The following DNAH10 variants were observed in gnomAD, a reference collection of about 807,000 sequenced individuals.
DNAH10 encodes dynein axonemal heavy chain 10.
A neutral mutation model predicts 506.6 loss-of-function variants in DNAH10; 348 were observed. The ratio of observed to expected loss-of-function variants is 0.69; its 90% CI spans 0.63 to 0.75. The LOEUF is 0.75. Among genes scored for constraint, DNAH10 ranks in the 30% least tolerant of loss-of-function variants. The pLI is 0.00. For missense variants in DNAH10, 5,179 were observed against 5,787.1 expected, an observed-to-expected ratio of 0.89 and a Z score of 3.41; for synonymous variants, 2,059 against 2,198.6, an observed-to-expected ratio of 0.94 and a Z score of 1.78.
At chr12:123,868,424 A>G (rs1951897274) in intron 43 of DNAH10, among the ~76,000 whole-genome samples, 1 of 151,918 alleles carries the variant, frequency 6.6e-6, no homozygotes, top group African/African-American at 2.4e-5. Flanking sequence ...CATGACTTTG[A>G]GTTTCTTCTT....
At position 123,830,652 on chromosome 12, in the gene DNAH10, C is replaced by T; in HGVS notation, c.4498C>T (p.Leu1500Phe). The T allele has an allele frequency of 6.2e-7, 1 of 1,613,548 alleles. No homozygotes were observed. Residue 1500 changes from leucine (L) to phenylalanine (F), a missense_variant, in exon 26 of 79, where the codon CTC becomes TTC. This residue lies in a region of DNAH10 where 4,844 missense variants were observed against 5,430.5 expected (regional missense o/e 0.89). Coordinates refer to ENST00000673944, the MANE Select transcript of DNAH10 (RefSeq NM_001372106.1). ...AMELHKHTDV[L>F]NEIVTAAIKE... ...GGAACTGCACAAACACACAGATGTT[C>T]TCAATGAGATTGTCACAGCAGCAAT...
intron 56 of DNAH10, among the ~76,000 whole-genome samples, chr12:123,901,249 G>A (rs1382919759): frequency 6.6e-6 from 1 of 152,206 alleles, no homozygotes; most frequent in Non-Finnish European, 1.5e-5. Flanking sequence ...GTGGTGTCCT[G>A]TTACCTCTGC....
intron 5 of DNAH10, 128 bp downstream of exon 5, chr12:123,774,392 A>G (rs1032490027): frequency 2.5e-5 from 16 of 651,888 alleles, no homozygotes; most frequent in Non-Finnish European, 3.5e-5. Flanking sequence ...AGGTGCTGAG[A>G]CCAGCTCGGT....
In DNAH10 at chr12:123,815,799, C is replaced by T. The variant is rs557470584; in HGVS notation, c.3780+1887C>T. 3.9e-5 allele frequency among the ~76,000 whole-genome samples: 6 copies of T among 152,356 alleles called. No individual in the cohort carries two copies. In the South Asian group the frequency reaches 8.3e-4, roughly 21 times the overall value. On this transcript the variant is annotated intron_variant, in intron 21 of 78. Transcript: ENST00000673944. ...ACAAATCTAGATGATATAGCTACTA[C>T]ACACCTAGGCCATATGGTAGAACCT...
At chr12:123,821,432 G>A (rs770088683) in intron 24 of DNAH10, among the ~76,000 whole-genome samples, 1 of 152,188 alleles carries the variant, frequency 6.6e-6, no homozygotes, top group Non-Finnish European at 1.5e-5. Flanking sequence ...CTGGGTCGAA[G>A]TGATCCTTCT....
Position 123,898,796 on chromosome 12 carries a change from G to T in DNAH10, c.9622G>T (p.Ala3208Ser). 1 of 1,610,438 alleles carries T rather than the reference G, an allele frequency of 6.2e-7. No homozygotes were observed. Among genetic ancestry groups the T allele is most frequent in the Non-Finnish European group, 8.5e-7 (1 of 1,178,474 alleles). ...CTGCGAGGCCTTGCTGGAGGAGATCGCCGTCAACACCGCTGTAGGTGAGTG... is the reference window on the plus strand; with the variant it reads ...CTGCGAGGCCTTGCTGGAGGAGATCTCCGTCAACACCGCTGTAGGTGAGTG... ...AACEALLEEI[A>S]VNTAVAEEKK... The change falls in exon 56 of 79, where the codon GCC becomes TCC. Residue 3208 changes from alanine (A) to serine (S), a missense_variant. This residue lies in a region of DNAH10 where 4,844 missense variants were observed against 5,430.5 expected (regional missense o/e 0.89). Transcript: ENST00000673944.
chr12:123,880,583 G>T (rs1056676140), intron 50 of DNAH10, among the ~76,000 whole-genome samples: 9 of 151,658 alleles, frequency 5.9e-5, no homozygotes, highest in Admixed American at 5.3e-4. Flanking sequence ...GGGCTCAAGT[G>T]ATCCTCCCTC....
chr12:123,807,625 G>A (rs1047823879), intron 18 of DNAH10, among the ~76,000 whole-genome samples: 15 of 151,942 alleles, frequency 9.9e-5, no homozygotes, highest in African/African-American at 3.6e-4. Flanking sequence ...GCTGGAGAGG[G>A]TGGCAGGGGT....
In DNAH10 at chr12:123,925,111, C is replaced by A. The variant is rs1954884691; in HGVS notation, c.11828C>A (p.Thr3943Asn). The part of the protein sequence containing the change: ...PVPLGYDNNI[T>N]PFQKLLILRC... ...CCCTTGGGTTACGATAACAACATCACCCCTTTCCAGAAGTTGCTTATTTTG... is the reference window on the plus strand; with the variant it reads ...CCCTTGGGTTACGATAACAACATCAACCCTTTCCAGAAGTTGCTTATTTTG... Residue 3943 changes from threonine (T) to asparagine (N), a missense_variant, in exon 68 of 79, where the codon ACC becomes AAC. By Grantham distance (65) the Thr-to-Asn change is moderately conservative. Coordinates refer to ENST00000673944, the MANE Select transcript of DNAH10 (RefSeq NM_001372106.1). This position sits in a 1 kb window ranked among gnomAD's most constrained non-coding sequence, Gnocchi z 4.0. 2 of 1,613,918 alleles carry A rather than the reference C, an allele frequency of 1.2e-6. No homozygotes were observed. Among genetic ancestry groups the A allele is most frequent in the African/African-American group, 1.3e-5 (1 of 74,934 alleles).
At chr12:123,912,966 A>G (rs759293231) in intron 59 of DNAH10, 132 bp from the exon 60 acceptor site, 23 of 830,944 alleles carry the variant, frequency 2.8e-5, no homozygotes, top group Middle Eastern at 6.1e-4. Context: ...GTGTCTCAAC[A>G]TAGCATATAG....
intron 32 of DNAH10, among the ~76,000 whole-genome samples, chr12:123,847,218 T>TTATC (rs61214034): frequency 0.15 from 21,599 of 142,614 alleles, 1,777 homozygotes; most frequent in Non-Finnish European, 0.18. Flanking sequence ...ATCCATCCTA[T>TTATC]TATCTATCTA....
chr12:123,816,127 G>A (rs902475542), intron 21 of DNAH10, among the ~76,000 whole-genome samples: 6 of 152,058 alleles, frequency 3.9e-5, no homozygotes, highest in African/African-American at 1.4e-4. Flanking sequence ...AACATCTTTT[G>A]TTACAATATT....
intron 27 of DNAH10, among the ~76,000 whole-genome samples, chr12:123,833,742 TGTG>T (rs1322201764): frequency 1.3e-5 from 2 of 152,232 alleles, no homozygotes; most frequent in African/African-American, 4.8e-5. Context: ...GACTCTCTCT[TGTG>T]GTGGTGGATT....
At position 123,857,267 on chromosome 12, in the gene DNAH10, C is replaced by G; in HGVS notation, c.6630+20C>G. On this transcript the variant is annotated intron_variant, in intron 37 of 78. Transcript: ENST00000673944. ...ATCCAGGTAAAGCCAGGAAAATGAC[C>G]TCACTGTGGCCGTGCATCCTTTCCA... 6.6e-7 allele frequency: 1 copy of G among 1,520,420 alleles called. No homozygotes were observed. Among genetic ancestry groups the G allele is most frequent in the Non-Finnish European group, 8.9e-7 (1 of 1,127,426 alleles). 94.2% of individuals were successfully genotyped at this position (1,520,420 alleles called of 1,614,324 possible).
chr12:123,848,987 C>T (rs1209135073), intron 34 of DNAH10, 105 bp downstream of exon 34: 2 of 1,342,772 alleles, frequency 1.5e-6, no homozygotes, highest in South Asian at 2.7e-5. Flanking sequence ...ACACTCCAGA[C>T]CAGGCTTCCT....
intron 52 of DNAH10, 95 bp from the exon 53 acceptor site, chr12:123,893,138 G>C (rs1953062821): frequency 1.5e-6 from 2 of 1,325,404 alleles, no homozygotes; most frequent in Admixed American, 2.0e-5. Flanking sequence ...CTCAGCACCT[G>C]CTGATCTTTC....
At chr12:123,920,126 AG>A (rs1422168223) in intron 65 of DNAH10, among the ~76,000 whole-genome samples, 1 of 152,214 alleles carries the variant, frequency 6.6e-6, no homozygotes, top group Non-Finnish European at 1.5e-5. Flanking sequence ...TATGCAAAAG[AG>A]AATAGTGTCG....
chr12:123,840,400 T>G (rs1040637229), intron 29 of DNAH10, among the ~76,000 whole-genome samples: 4 of 118,984 alleles, frequency 3.4e-5, no homozygotes, highest in Admixed American at 7.9e-5. Context: ...TCCAGTTTTT[T>G]TTTTTTTTTT....
chr12:123,776,396 C>T (rs1593986284), intron 5 of DNAH10, among the ~76,000 whole-genome samples: 1 of 151,842 alleles, frequency 6.6e-6, no homozygotes, highest in Non-Finnish European at 1.5e-5. Flanking sequence ...AGTTTGAGAA[C>T]AGCCTGGGCG....
Sources: gnomAD v4.1 joint callset for allele counts (sites outside exome capture counted in the v4.1 genomes callset) on GRCh38, gnomAD v4.1.1 for gene constraint, gnomAD v4.1.1 regional missense constraint, Gnocchi (gnomAD v3.1) non-coding constraint, MANE v1.5 for transcripts, NCBI Gene and HGNC (gene_info 2026-07-23, HGNC 2026-07-21) for gene names.